Variants in DYM observed in about 807,000 individuals in gnomAD.
DYM encodes dyggve-Melchior-Clausen syndrome protein.
A neutral mutation model predicts 93.1 loss-of-function variants in DYM; 78 were observed. The ratio of observed to expected loss-of-function variants is 0.84; its 90% confidence interval spans 0.70 to 1.01. DYM has a LOEUF of 1.01. Ranked by LOEUF, DYM falls within the 50% of genes least tolerant of loss-of-function variation. The probability of loss-of-function intolerance (pLI) is 0.00; values close to 1 mark genes in which losing one functional copy is unlikely to be tolerated. For missense variants in DYM, 789 were observed against 845.0 expected, an observed-to-expected ratio of 0.93 and a Z score of 0.82; for synonymous variants, 321 against 319.7, an observed-to-expected ratio of 1.00 and a Z score of -0.04.
At chr18:49,179,696 C>T (rs540727735) in intron 14 of DYM, among the ~76,000 whole-genome samples, 24 of 152,148 alleles carry the variant, frequency 1.6e-4, no homozygotes, top group Admixed American at 5.2e-4. Flanking sequence ...CCCTATTTTA[C>T]AGAGAAGGGA....
intron 8 of DYM, among the ~76,000 whole-genome samples, chr18:49,319,793 G>A (rs2062323121): frequency 6.6e-6 from 1 of 152,152 alleles, no homozygotes; most frequent in Non-Finnish European, 1.5e-5. Flanking sequence ...CCACCACCCT[G>A]CTAGTGAAGA....
intron 13 of DYM, among the ~76,000 whole-genome samples, chr18:49,217,304 G>A (rs994173110): frequency 2.0e-5 from 3 of 152,096 alleles, no homozygotes; most frequent in African/African-American, 4.8e-5. Context: ...TGACGGGGAG[G>A]ATGGAACCAA....
chr18:49,164,794 G>C (rs771955743), intron 14 of DYM, among the ~76,000 whole-genome samples: 1 of 152,152 alleles, frequency 6.6e-6, no homozygotes, highest in African/African-American at 2.4e-5. Flanking sequence ...AAAAATCAAT[G>C]AACATGAACA....
chr18:49,458,457 T>C (rs559728421), intron 1 of DYM, among the ~76,000 whole-genome samples: 22 of 152,284 alleles, frequency 1.4e-4, no homozygotes, highest in African/African-American at 5.1e-4. Context: ...ATCAAATGGA[T>C]TACCACACTT....
intron 15 of DYM, among the ~76,000 whole-genome samples, chr18:49,128,869 GT>G (rs2083096880): frequency 6.6e-6 from 1 of 152,052 alleles, no homozygotes; most frequent in Non-Finnish European, 1.5e-5. Flanking sequence ...ACAAAGTTAA[GT>G]TTCAAAATAA....
intron 14 of DYM, among the ~76,000 whole-genome samples, chr18:49,200,226 AT>A (rs1350390589): frequency 6.6e-6 from 1 of 152,082 alleles, no homozygotes; most frequent in Admixed American, 6.5e-5. Context: ...GAGAGAAAAA[AT>A]TTATTTAAAT....
chr18:49,254,366 A>C (rs2957173), intron 13 of DYM, among the ~76,000 whole-genome samples: 2 of 148,460 alleles, frequency 1.3e-5, no homozygotes, highest in African/African-American at 5.0e-5. Flanking sequence ...TGCTACTGAA[A>C]TGCAAGCTGC....
At chr18:49,224,467 T>C (rs2093462969) in intron 13 of DYM, among the ~76,000 whole-genome samples, 1 of 152,028 alleles carries the variant, frequency 6.6e-6, no homozygotes, top group Non-Finnish European at 1.5e-5. Flanking sequence ...GTCTGAATGT[T>C]TGTGTCCCCC....
chr18:49,220,843 G>A (rs1408596415), intron 13 of DYM, among the ~76,000 whole-genome samples: 9 of 152,130 alleles, frequency 5.9e-5, no homozygotes, highest in Non-Finnish European at 1.2e-4. Context: ...ACATAGGCAT[G>A]GGCAAGGACT....
intron 1 of DYM, among the ~76,000 whole-genome samples, chr18:49,451,485 T>A (rs1408193176): frequency 6.6e-6 from 1 of 152,166 alleles, no homozygotes; most frequent in Non-Finnish European, 1.5e-5. Context: ...AATGTCACTT[T>A]CTAACAGGTC....
intron 8 of DYM, among the ~76,000 whole-genome samples, chr18:49,324,126 T>C (rs1599425325): frequency 2.0e-5 from 2 of 98,032 alleles, no homozygotes; most frequent in South Asian, 3.7e-4. Flanking sequence ...CAGAGCCAGA[T>C]AGGCTCTGTC....
Position 49,203,040 on chromosome 18 carries a change from G to A in DYM, c.1625+6511C>T, listed in dbSNP as rs1397072768. 3.0e-4 allele frequency among the ~76,000 whole-genome samples: 4 copies of A among 13,146 alleles called. 1 individual carries two copies. Among genetic ancestry groups the A allele is most frequent in the African/African-American group, 6.7e-4 (4 of 5,948 alleles). The allele number at this position is 13,146 out of a possible 152,430, so 8.6% of individuals were successfully genotyped here. ...CCCCGCCTGGCCGGCCGTGCCGTCC[G>A]GGAGGGAGGTTGGGGGGTCAGCCCT... On this transcript the variant is annotated intron_variant, in intron 14 of 17. Coordinates refer to ENST00000675505, the MANE Select transcript of DYM (RefSeq NM_001353214.3).
chr18:49,049,404 G>A (rs1324150704), intron 17 of DYM, among the ~76,000 whole-genome samples: 1 of 152,172 alleles, frequency 6.6e-6, no homozygotes, highest in Non-Finnish European at 1.5e-5. Context: ...GACACATGGG[G>A]TCCCAGCCTT....
intron 15 of DYM, among the ~76,000 whole-genome samples, chr18:49,131,328 T>C (rs2144093292): frequency 6.7e-6 from 1 of 148,654 alleles, no homozygotes; most frequent in African/African-American, 2.4e-5. Flanking sequence ...CTGGTGTCTC[T>C]GCCTCTTCTT....
rs745670421 is a variant in DYM, at chr18:49,430,253, A to G, written c.140+2T>C. 1 of 1,613,644 alleles carries G rather than the reference A, an allele frequency of 6.2e-7. No individual in the cohort carries two copies. Among genetic ancestry groups the G allele is most frequent in the Non-Finnish European group, 8.5e-7 (1 of 1,179,776 alleles). On this transcript the variant is annotated splice_donor_variant, in intron 2 of 17. Transcript: ENST00000675505. LOFTEE classifies it high-confidence loss of function. ...ATTTTCAATCTCCAGGCAATCTCTT[A>G]CCTGCTAGTTGGTGCAGGGAAAGAA...
At chr18:49,424,488 G>A (rs944397310) in intron 2 of DYM, among the ~76,000 whole-genome samples, 11 of 151,940 alleles carry the variant, frequency 7.2e-5, no homozygotes, top group South Asian at 2.1e-4. Context: ...AACTGGCACA[G>A]GACAGGGATG....
intron 17 of DYM, among the ~76,000 whole-genome samples, chr18:49,061,321 T>TG (rs910081518): frequency 3.0e-4 from 46 of 151,362 alleles, no homozygotes; most frequent in African/African-American, 1.0e-3. Context: ...CATGTGGAGG[T>TG]GGGGGGAAGG....
At chr18:49,292,373 C>G (rs1191258307) in intron 8 of DYM, among the ~76,000 whole-genome samples, 13 of 150,096 alleles carry the variant, frequency 8.7e-5, no homozygotes, top group East Asian at 3.9e-4. Context: ...CACACACACA[C>G]ACACACACAC....
At chr18:49,430,170 A>C in intron 2 of DYM, 85 bp downstream of exon 2, 2 of 1,287,428 alleles carry the variant, frequency 1.6e-6, no homozygotes, top group Non-Finnish European at 2.2e-6. Context: ...TAGACAGAAC[A>C]TTTCTAAATT....
Sources: allele counts gnomAD v4.1 joint callset (sites outside exome capture counted in the v4.1 genomes callset), GRCh38; gene constraint gnomAD v4.1.1; transcripts MANE v1.5; gene names NCBI Gene and HGNC (gene_info 2026-07-23, HGNC 2026-07-21).